SGCD: variants seen among roughly 807,000 people sequenced by gnomAD.
SGCD encodes sarcoglycan delta, also known as delta-sarcoglycan.
In SGCD, 18 loss-of-function variants were observed where a neutral mutation model predicts 36.6. The observed-to-expected ratio is 0.49, with a 90% CI of 0.34 to 0.73. SGCD has a LOEUF of 0.73. SGCD is among the 30% of genes least tolerant of loss of function. The probability of loss-of-function intolerance (pLI) is 0.01; values close to 1 mark genes in which losing one functional copy is unlikely to be tolerated. For synonymous variants in SGCD, 133 were observed against 130.6 expected (o/e 1.02, Z -0.12); for missense variants, 387 against 346.7 (o/e 1.12, Z -0.92).
intron 7 of SGCD, chr5:156,704,030 T>TA (rs990438230): frequency 4.6e-5 from 7 of 152,170 alleles, no homozygotes; most frequent in African/African-American, 1.7e-4. Context: ...AGTGGACTCT[T>TA]AAAAGGGTGG....
chr5:155,930,551 A>G (rs192138627), intron 1 of SGCD, among the ~76,000 whole-genome samples: 126 of 152,300 alleles, frequency 8.3e-4, no homozygotes, highest in African/African-American at 2.7e-3. Flanking sequence ...TCTTTGAGTC[A>G]GTGAGACTTA....
chr5:156,755,763 C>T (rs1757311506), intron 7 of SGCD, among the ~76,000 whole-genome samples: 1 of 152,180 alleles, frequency 6.6e-6, no homozygotes, highest in Non-Finnish European at 1.5e-5. Context: ...AAATTATTTA[C>T]ATAGAAACTC....
intron 1 of SGCD, among the ~76,000 whole-genome samples, chr5:155,958,585 A>G (rs556755311): frequency 6.6e-6 from 1 of 152,282 alleles, no homozygotes; most frequent in Admixed American, 6.5e-5. Flanking sequence ...TGCACCTAAT[A>G]TAGACAGAGA....
At chr5:155,947,020 T>C (rs146723284) in intron 1 of SGCD, among the ~76,000 whole-genome samples, 2,823 of 152,228 alleles carry the variant, frequency 0.019, 35 homozygotes, top group Non-Finnish European at 0.026. Context: ...GGAACCCAGG[T>C]TTCCAGTCTG....
chr5:156,289,483 T>C (rs1184960523), intron 3 of SGCD, among the ~76,000 whole-genome samples: 1 of 151,844 alleles, frequency 6.6e-6, no homozygotes, highest in East Asian at 1.9e-4. Flanking sequence ...ACAGGCCCCG[T>C]TGTGTGTTGC....
At chr5:155,956,799 C>A (rs929457233) in intron 1 of SGCD, among the ~76,000 whole-genome samples, 5 of 69,412 alleles carry the variant, frequency 7.2e-5, no homozygotes, top group Non-Finnish European at 7.6e-5. Flanking sequence ...GACTCAGGGC[C>A]CCCCCCCCCG....
the SGCD span, among the ~76,000 whole-genome samples, chr5:155,821,162 A>G: frequency 1.3e-5 from 2 of 152,256 alleles, no homozygotes; most frequent in African/African-American, 4.8e-5. Flanking sequence ...AACTGAAATT[A>G]AAAGGTAAAT....
At chr5:155,909,382 G>C (rs1476634742) in intron 1 of SGCD, among the ~76,000 whole-genome samples, 1 of 152,076 alleles carries the variant, frequency 6.6e-6, no homozygotes, top group Non-Finnish European at 1.5e-5. Context: ...GGTCCTGGTG[G>C]AACACTGCTG....
chr5:156,322,786 G>T (rs770426712), upstream of SGCD, among the ~76,000 whole-genome samples: 3 of 152,226 alleles, frequency 2.0e-5, no homozygotes, highest in Non-Finnish European at 4.4e-5. Context: ...AGCAGATGAG[G>T]CTAAAGAAGT....
intron 3 of SGCD, among the ~76,000 whole-genome samples, chr5:156,368,932 A>G (rs1463685824): frequency 6.6e-6 from 1 of 152,224 alleles, no homozygotes; most frequent in East Asian, 1.9e-4. Flanking sequence ...CAATAAATGT[A>G]ATGCACTTGA....
the SGCD span, among the ~76,000 whole-genome samples, chr5:155,736,408 G>A: frequency 1.3e-5 from 2 of 152,146 alleles, no homozygotes; most frequent in Non-Finnish European, 2.9e-5. Flanking sequence ...GTTATTTTCT[G>A]ATTTGGTATC....
chr5:156,334,810 C>T (rs1768258700), intron 2 of SGCD, among the ~76,000 whole-genome samples: 1 of 152,112 alleles, frequency 6.6e-6, no homozygotes, highest in South Asian at 2.1e-4. Context: ...TGAACAGCGT[C>T]AGGGGAGGAA....
chr5:156,645,919 T>G (rs1231587387), intron 6 of SGCD, among the ~76,000 whole-genome samples: 2 of 152,170 alleles, frequency 1.3e-5, no homozygotes, highest in African/African-American at 4.8e-5. Flanking sequence ...ATATTACTGC[T>G]GGTTGCTTTG....
At chr5:156,655,065 GT>G (rs375758729) in intron 7 of SGCD, among the ~76,000 whole-genome samples, 4 of 151,800 alleles carry the variant, frequency 2.6e-5, no homozygotes, top group East Asian at 3.9e-4. Context: ...ATTTTTGAGG[GT>G]TTTTTTTCTT....
the SGCD span, among the ~76,000 whole-genome samples, chr5:155,739,610 C>A: frequency 6.6e-6 from 1 of 152,328 alleles, no homozygotes; most frequent in South Asian, 2.1e-4. Flanking sequence ...TAGAGAAACT[C>A]TGTTGCCTAT....
upstream of SGCD, among the ~76,000 whole-genome samples, chr5:155,868,191 A>G (rs10065329): frequency 0.053 from 8,064 of 151,712 alleles, 489 homozygotes; most frequent in African/African-American, 0.15. Flanking sequence ...AGCTGGGATT[A>G]CAGGCATGTA....
At chr5:156,127,538 G>A (rs868809660) in intron 3 of SGCD, among the ~76,000 whole-genome samples, 12 of 152,170 alleles carry the variant, frequency 7.9e-5, no homozygotes, top group Admixed American at 2.0e-4. Flanking sequence ...GATTGCTTGC[G>A]TCCAAGAATT....
intron 1 of SGCD, among the ~76,000 whole-genome samples, chr5:155,985,614 C>T (rs956766352): frequency 5.9e-5 from 9 of 152,066 alleles, no homozygotes; most frequent in African/African-American, 1.4e-4. Flanking sequence ...ATATGACTTA[C>T]GTTAAGGAAG....
chr5:156,356,410 A>G (rs574634653), intron 3 of SGCD, among the ~76,000 whole-genome samples: 2 of 152,310 alleles, frequency 1.3e-5, no homozygotes, highest in South Asian at 2.1e-4. Context: ...GCTCTTCCCT[A>G]TGGGCTAACT....
Sources: gnomAD v4.1 joint callset for allele counts (sites outside exome capture counted in the v4.1 genomes callset) on GRCh38, gnomAD v4.1.1 for gene constraint, MANE v1.5 for transcripts, NCBI Gene and HGNC (gene_info 2026-07-23, HGNC 2026-07-21) for gene names.